Variants in DMXL1 observed in about 807,000 individuals in gnomAD.
The protein encoded by DMXL1 is Dmx like 1.
A neutral mutation model predicts 319.2 loss-of-function variants in DMXL1; 99 were observed. The ratio of observed to expected loss-of-function variants is 0.31; its 90% CI spans 0.26 to 0.37. The LOEUF (loss-of-function observed/expected upper bound fraction) is 0.37. Ranked by LOEUF, DMXL1 falls within the 10% of genes least tolerant of loss-of-function variation. The probability of loss-of-function intolerance (pLI) is 1.00; values close to 1 mark genes in which losing one functional copy is unlikely to be tolerated. For missense variants in DMXL1, 3,745 were observed against 3,595.6 expected (o/e 1.04, Z -1.06); for synonymous variants, 1,385 against 1,235.2 (o/e 1.12, Z -2.54).
chr5:119,153,993 T>C (rs1770420498), intron 19 of DMXL1, among the ~76,000 whole-genome samples: 1 of 152,220 alleles, frequency 6.6e-6, no homozygotes, highest in African/African-American at 2.4e-5. Context: ...TCAGTGATCT[T>C]TGTTACTATT....
In DMXL1 at chr5:119,197,872, G is replaced by C; in HGVS notation, c.7661G>C (p.Ser2554Thr). 6.2e-7 allele frequency: 1 copy of C among 1,614,156 alleles called. No homozygotes were observed. ...HGGPPQNYIA[S>T]HTAEESLSAG... is the part of the protein sequence containing the mutation. ...GGGCCACCTCAAAATTATATCGCAAGTCATACCGCCGAAGAGAGTTTGTCT... is the reference window on the plus strand; with the variant it reads ...GGGCCACCTCAAAATTATATCGCAACTCATACCGCCGAAGAGAGTTTGTCT... Residue 2554 changes from serine (S) to threonine (T), a missense_variant, in exon 32 of 44, where the codon AGT becomes ACT. Physicochemically the swap from Ser to Thr is moderately conservative, Grantham distance 58 (BLOSUM62 1). Coordinates refer to ENST00000539542, the MANE Select transcript of DMXL1 (RefSeq NM_001290321.3).
At chr5:119,094,474 A>C (rs188295717) in intron 1 of DMXL1, among the ~76,000 whole-genome samples, 2 of 152,252 alleles carry the variant, frequency 1.3e-5, no homozygotes, top group Admixed American at 1.3e-4. Flanking sequence ...ATTGCTGTTC[A>C]TTGACAATGA....
rs750072269 is a variant in DMXL1, at chr5:119,178,214, A to G, written c.7105A>G (p.Lys2369Glu). 8.1e-6 allele frequency: 13 copies of G among 1,613,726 alleles called. No homozygotes were observed. Among genetic ancestry groups the G allele is most frequent in the Non-Finnish European group, 1.1e-5 (13 of 1,179,762 alleles). The change falls in exon 28 of 44, where the codon AAA (lysine) becomes GAA (glutamate). Residue 2369 changes from lysine (K) to glutamate (E), a missense_variant. By Grantham distance (56) the Lys-to-Glu change is moderately conservative. This residue lies in a region of DMXL1 where 1,382 missense variants were observed against 1,269.5 expected (regional missense o/e 1.09). Transcript: ENST00000539542. Reference protein sequence around the residue: ...VFGGGAHVPSKEQTHSKTLPV... With the variant: ...VFGGGAHVPSEEQTHSKTLPV... Reference sequence around the variant, plus strand: ...TGGTGGAGGTGCACATGTTCCTAGCAAAGAACAGACACATTCAAAAACTTT... The same window carrying G: ...TGGTGGAGGTGCACATGTTCCTAGCGAAGAACAGACACATTCAAAAACTTT...
intron 37 of DMXL1, among the ~76,000 whole-genome samples, chr5:119,221,882 A>G (rs901064138): frequency 2.6e-5 from 4 of 151,546 alleles, no homozygotes; most frequent in Non-Finnish European, 5.9e-5. Flanking sequence ...GTGTTGGAGG[A>G]TCTTTTTTAG....
intron 40 of DMXL1, among the ~76,000 whole-genome samples, chr5:119,238,668 G>C (rs1561944547): frequency 6.6e-6 from 1 of 152,184 alleles, no homozygotes; most frequent in East Asian, 1.9e-4. Flanking sequence ...AAAGCAAAGA[G>C]ATTCATAACG....
chr5:119,107,411 A>G (rs1197496189), intron 4 of DMXL1, among the ~76,000 whole-genome samples: 1 of 152,152 alleles, frequency 6.6e-6, no homozygotes, highest in Middle Eastern at 3.2e-3. Flanking sequence ...CTATTGGTAA[A>G]CTGATTAATG....
At chr5:119,160,964 CATAG>C (rs911286090) in intron 19 of DMXL1, among the ~76,000 whole-genome samples, 2 of 152,164 alleles carry the variant, frequency 1.3e-5, no homozygotes, top group Non-Finnish European at 2.9e-5. Flanking sequence ...TCAGTCATTT[CATAG>C]ATCTGTTTCC....
chr5:119,126,837 T>A (rs1225774650), intron 9 of DMXL1: 1 of 161,432 alleles, frequency 6.2e-6, no homozygotes, highest in Non-Finnish European at 1.5e-5. Context: ...GTTGAGCTTC[T>A]CAGTTTGCTT....
chr5:119,190,615 A>G (rs1778543454), intron 29 of DMXL1, among the ~76,000 whole-genome samples: 1 of 152,260 alleles, frequency 6.6e-6, no homozygotes, highest in African/African-American at 2.4e-5. Flanking sequence ...CATCCATAAA[A>G]AAAGTGATAG....
intron 34 of DMXL1, among the ~76,000 whole-genome samples, chr5:119,214,948 G>A (rs949764197): frequency 6.6e-6 from 1 of 152,036 alleles, no homozygotes; most frequent in Non-Finnish European, 1.5e-5. Flanking sequence ...TTTCTCTGTC[G>A]CCAATTTCTT....
intron 34 of DMXL1, among the ~76,000 whole-genome samples, chr5:119,209,702 A>G (rs1183002807): frequency 6.6e-6 from 1 of 152,110 alleles, no homozygotes; most frequent in South Asian, 2.1e-4. Flanking sequence ...CATTTTAACC[A>G]TTCTAGTAGG....
At chr5:119,218,427 T>C (rs2150564589) in intron 35 of DMXL1, among the ~76,000 whole-genome samples, 1 of 151,772 alleles carries the variant, frequency 6.6e-6, no homozygotes, top group East Asian at 1.9e-4. Flanking sequence ...GCTATTTTTA[T>C]TTATTTTATT....
intron 13 of DMXL1, among the ~76,000 whole-genome samples, chr5:119,143,114 T>G (rs1767778559): frequency 6.6e-6 from 1 of 151,868 alleles, no homozygotes; most frequent in Non-Finnish European, 1.5e-5. Flanking sequence ...CCAGAAAAAA[T>G]AACTCTCGGG....
At chr5:119,102,276 G>A (rs1757435240) in intron 3 of DMXL1, 1 of 260,452 alleles carries the variant, frequency 3.8e-6, no homozygotes, top group Non-Finnish European at 7.2e-6. Flanking sequence ...GTAACCTAAA[G>A]TTTGGCACTA....
intron 29 of DMXL1, among the ~76,000 whole-genome samples, chr5:119,192,019 TC>T (rs1389673432): frequency 6.6e-6 from 1 of 152,256 alleles, no homozygotes; most frequent in Non-Finnish European, 1.5e-5. Context: ...ACTCAGCTGT[TC>T]CAGAAGTTCC....
chr5:119,178,832 G>T (rs534372824), intron 28 of DMXL1: 27 of 178,884 alleles, frequency 1.5e-4, no homozygotes, highest in African/African-American at 3.3e-4. Context: ...CCATATTTTT[G>T]ATTTAAAACA....
chr5:119,123,542 T>G (rs1241614674), intron 9 of DMXL1, among the ~76,000 whole-genome samples: 1 of 152,188 alleles, frequency 6.6e-6, no homozygotes, highest in Non-Finnish European at 1.5e-5. Flanking sequence ...AGGCCATGAC[T>G]TGACTTGTGA....
chr5:119,239,806 A>G (rs1788425095), intron 41 of DMXL1, among the ~76,000 whole-genome samples: 5 of 151,688 alleles, frequency 3.3e-5, no homozygotes, highest in Admixed American at 1.3e-4. Flanking sequence ...AAATACAAAA[A>G]ATTAGCCAGG....
chr5:119,160,385 T>C (rs1772024782), intron 19 of DMXL1, among the ~76,000 whole-genome samples: 1 of 152,222 alleles, frequency 6.6e-6, no homozygotes, highest in Non-Finnish European at 1.5e-5. Context: ...CATACTATTG[T>C]GATCAGAAAA....
Sources: allele counts gnomAD v4.1 joint callset (sites outside exome capture counted in the v4.1 genomes callset), GRCh38; gene constraint gnomAD v4.1.1; regional missense constraint gnomAD v4.1.1; transcripts MANE v1.5; gene names NCBI Gene and HGNC (gene_info 2026-07-23, HGNC 2026-07-21).